The following HPCAL1 variants were observed in gnomAD, a reference collection of about 807,000 sequenced individuals.
HPCAL1 encodes hippocalcin-like protein 1.
In HPCAL1, 8 loss-of-function variants were observed where a neutral mutation model predicts 17.1. That is an observed-to-expected ratio of 0.47 (90% CI 0.27 to 0.84). The LOEUF is 0.84. HPCAL1 is among the 40% of genes least tolerant of loss of function. The pLI, the probability that HPCAL1 is intolerant of heterozygous loss-of-function variation, is 0.13. For synonymous variants in HPCAL1, 112 were observed against 111.4 expected (o/e 1.01, Z -0.03); for missense variants, 165 against 271.1 (o/e 0.61, Z 2.75).
In HPCAL1 at chr2:10,377,506, C is replaced by G. The variant is rs113425570; in HGVS notation, c.-110-19329C>G. On this transcript the variant is annotated intron_variant, in intron 1 of 4. Coordinates refer to ENST00000307845, the MANE Select transcript of HPCAL1 (RefSeq NM_002149.4). The surrounding 1 kb of genome is among the most constrained non-coding windows in gnomAD (Gnocchi z 5.9). Reference sequence around the variant, plus strand: ...TGAGTGTCACGACCACACCCCCATCCCTGTCCTTTCACGCACTGTCTGCCC... The same window carrying G: ...TGAGTGTCACGACCACACCCCCATCGCTGTCCTTTCACGCACTGTCTGCCC... 6.6e-6 allele frequency among the ~76,000 whole-genome samples: 1 copy of G among 152,294 alleles called. No homozygotes were observed. The highest frequency in any genetic ancestry group is 2.4e-5 in the African/African-American group (1 of 41,570).
At chr2:10,353,463 G>C (rs1338437787) in intron 1 of HPCAL1, among the ~76,000 whole-genome samples, 2 of 152,216 alleles carry the variant, frequency 1.3e-5, no homozygotes, top group African/African-American at 4.8e-5. Context: ...GGGGATACTG[G>C]TTCAGGGCCA....
intron 2 of HPCAL1, among the ~76,000 whole-genome samples, chr2:10,405,174 G>A (rs886601416): frequency 2.0e-5 from 3 of 152,368 alleles, no homozygotes; most frequent in East Asian, 3.9e-4. Context: ...CCATATGGCT[G>A]GAGACGGGGC....
At chr2:10,366,364 T>C (rs1214417545) in intron 1 of HPCAL1, among the ~76,000 whole-genome samples, 1 of 152,068 alleles carries the variant, frequency 6.6e-6, no homozygotes, top group African/African-American at 2.4e-5. Context: ...GCCTCCTGAG[T>C]ATCTGGGACT....
At chr2:10,388,275 G>A (rs1475109710) in intron 1 of HPCAL1, among the ~76,000 whole-genome samples, 1 of 152,228 alleles carries the variant, frequency 6.6e-6, no homozygotes, top group Non-Finnish European at 1.5e-5. Flanking sequence ...GCAAAGGTTT[G>A]TTTTATCTTC....
At chr2:10,319,896 C>T (rs929745314) in intron 1 of HPCAL1, among the ~76,000 whole-genome samples, 6 of 152,120 alleles carry the variant, frequency 3.9e-5, no homozygotes, top group Non-Finnish European at 8.8e-5. Context: ...CTGCAGGGGA[C>T]TGACTTGCTG....
chr2:10,390,571 T>A (rs1668625680), intron 1 of HPCAL1, among the ~76,000 whole-genome samples: 1 of 152,090 alleles, frequency 6.6e-6, no homozygotes, highest in Non-Finnish European at 1.5e-5. Flanking sequence ...CCTAATATAT[T>A]AAAATAATTT....
At chr2:10,374,389 G>C (rs970725855) in intron 1 of HPCAL1, among the ~76,000 whole-genome samples, 3 of 151,538 alleles carry the variant, frequency 2.0e-5, no homozygotes, top group African/African-American at 7.3e-5. Flanking sequence ...TGGTTGCTTT[G>C]TTGCAGTATT....
intron 1 of HPCAL1, among the ~76,000 whole-genome samples, chr2:10,315,389 T>C (rs1663251838): frequency 6.6e-6 from 1 of 152,206 alleles, no homozygotes; most frequent in Non-Finnish European, 1.5e-5. Flanking sequence ...CATATCTAAA[T>C]GTTAACGGTG....
chr2:10,315,362 A>G (rs1222337833), intron 1 of HPCAL1, among the ~76,000 whole-genome samples: 1 of 152,198 alleles, frequency 6.6e-6, no homozygotes, highest in Non-Finnish European at 1.5e-5. Context: ...AAAGTCAGAA[A>G]ATAGATGGGA....
intron 2 of HPCAL1, among the ~76,000 whole-genome samples, chr2:10,403,791 GTTC>G (rs1669793918): frequency 6.6e-6 from 1 of 151,730 alleles, no homozygotes; most frequent in South Asian, 2.1e-4. Context: ...CCAACAAAGA[GTTC>G]TTATCCGTTC....
At chr2:10,355,525 G>A (rs1184208858) in intron 1 of HPCAL1, among the ~76,000 whole-genome samples, 1 of 150,786 alleles carries the variant, frequency 6.6e-6, no homozygotes, top group South Asian at 2.1e-4. Flanking sequence ...TCAGAAGTAG[G>A]TGGGTTGTGA....
chr2:10,397,517 C>G (rs558628442), intron 2 of HPCAL1, among the ~76,000 whole-genome samples: 31 of 152,366 alleles, frequency 2.0e-4, no homozygotes, highest in African/African-American at 7.2e-4. Flanking sequence ...TGCAGCCCCC[C>G]AGGCCCCTGC....
At chr2:10,346,145 C>G (rs1665427611) in intron 1 of HPCAL1, among the ~76,000 whole-genome samples, 1 of 152,104 alleles carries the variant, frequency 6.6e-6, no homozygotes, top group Admixed American at 6.5e-5. Flanking sequence ...CTTGGTCCAT[C>G]AGGGGCTGGT....
chr2:10,363,737 G>A lies in HPCAL1; in HGVS notation c.-110-33098G>A, dbSNP rs1011359244. On this transcript the variant is annotated intron_variant, in intron 1 of 4. Transcript: ENST00000307845. The surrounding 1 kb of genome is among the most constrained non-coding windows in gnomAD (Gnocchi z 4.7). ...CTGAGGCCAGCCACAGTTTGGGCAC[G>A]GCAAGGCTGGGGAGCCAGGCTTGTT... Among the ~76,000 whole-genome samples the A allele has an allele frequency of 9.2e-5, 14 of 152,320 alleles. No individual in the cohort carries two copies. In the East Asian group the frequency reaches 2.5e-3, roughly 27 times the overall value.
chr2:10,379,891 C>T (rs1341752526), intron 1 of HPCAL1, among the ~76,000 whole-genome samples: 1 of 152,142 alleles, frequency 6.6e-6, no homozygotes, highest in African/African-American at 2.4e-5. Context: ...CTTAGTCTGT[C>T]CATGCTGGCT....
intron 1 of HPCAL1, among the ~76,000 whole-genome samples, chr2:10,318,093 G>A (rs1014375029): frequency 6.6e-6 from 1 of 152,148 alleles, no homozygotes; most frequent in African/African-American, 2.4e-5. Flanking sequence ...TCCTATTTGT[G>A]CATATTCTTG....
chr2:10,370,650 G>A (rs775865725), intron 1 of HPCAL1, among the ~76,000 whole-genome samples: 7 of 152,194 alleles, frequency 4.6e-5, no homozygotes, highest in Non-Finnish European at 8.8e-5. Flanking sequence ...CAGATGATGG[G>A]GCCACTGCTG....
Position 10,427,096 on chromosome 2 carries a change from G to A in HPCAL1, c.*275G>A, listed in dbSNP as rs536192908. ...GTGTTCTTGGTTCCAGGCACCTCCCGGCTCACGGGGAGCTCAGAGGTCCAT... is the reference window on the plus strand; with the variant it reads ...GTGTTCTTGGTTCCAGGCACCTCCCAGCTCACGGGGAGCTCAGAGGTCCAT... On this transcript the variant is annotated 3_prime_UTR_variant, in exon 5 of 5. Coordinates refer to ENST00000307845, the MANE Select transcript of HPCAL1 (RefSeq NM_002149.4). 42 of 445,534 alleles carry A rather than the reference G, an allele frequency of 9.4e-5. No individual in the cohort carries two copies. In the Middle Eastern group the frequency reaches 1.9e-3, roughly 20 times the overall value. The allele number at this position is 445,534 out of a possible 1,614,324, so 27.6% of individuals were successfully genotyped here. A position where few individuals can be genotyped will look rare whatever the true frequency, so the allele number is the denominator to read the frequency against.
chr2:10,309,392 G>A (rs1662816938), intron 1 of HPCAL1, among the ~76,000 whole-genome samples: 1 of 152,214 alleles, frequency 6.6e-6, no homozygotes, highest in African/African-American at 2.4e-5. Flanking sequence ...AGTAGCCCAA[G>A]GGCATCAGCA....
Sources: allele counts gnomAD v4.1 joint callset (sites outside exome capture counted in the v4.1 genomes callset), GRCh38; gene constraint gnomAD v4.1.1; non-coding constraint Gnocchi (gnomAD v3.1); transcripts MANE v1.5; gene names NCBI Gene and HGNC (gene_info 2026-07-23, HGNC 2026-07-21).